Variants in NALF1 observed in about 807,000 individuals in gnomAD.
The protein encoded by NALF1 is NALCN channel auxiliary factor 1, also known as family with sequence similarity 155 member A.
NALF1 carries 3 observed loss-of-function variants against 48.4 expected under a neutral mutation model. The ratio of observed to expected loss-of-function variants is 0.06; its 90% confidence interval spans 0.03 to 0.16. The LOEUF (loss-of-function observed/expected upper bound fraction) is 0.16. NALF1 is among the 10% of genes least tolerant of loss of function. NALF1 has a pLI of 1.00. For synonymous variants in NALF1, 262 were observed against 245.7 expected (o/e 1.07, Z -0.62); for missense variants, 526 against 571.5 (o/e 0.92, Z 0.81).
intron 1 of NALF1, among the ~76,000 whole-genome samples, chr13:107,456,918 T>C (rs1019552622): frequency 6.6e-6 from 1 of 152,176 alleles, no homozygotes; most frequent in Non-Finnish European, 1.5e-5. Flanking sequence ...CAAGAAGTTG[T>C]ATAAATTACC....
intron 1 of NALF1, among the ~76,000 whole-genome samples, chr13:107,437,845 A>G (rs1334842522): frequency 6.6e-6 from 1 of 152,196 alleles, no homozygotes; most frequent in Non-Finnish European, 1.5e-5. Flanking sequence ...TTTAATATAC[A>G]TTTTACCTCG....
chr13:107,616,579 C>T (rs760953113), intron 1 of NALF1, among the ~76,000 whole-genome samples: 10 of 152,198 alleles, frequency 6.6e-5, no homozygotes, highest in Non-Finnish European at 1.3e-4. Context: ...ACACAGGCTA[C>T]AAGATTGAAT....
At chr13:107,644,295 G>A (rs187634107) in intron 1 of NALF1, among the ~76,000 whole-genome samples, 14 of 151,940 alleles carry the variant, frequency 9.2e-5, no homozygotes, top group Admixed American at 3.9e-4. Context: ...ACAGTTGTGT[G>A]ATAGCTTCTG....
At chr13:107,827,274 T>A (rs1340019095) in intron 1 of NALF1, among the ~76,000 whole-genome samples, 1 of 152,248 alleles carries the variant, frequency 6.6e-6, no homozygotes, top group Non-Finnish European at 1.5e-5. Flanking sequence ...CTCCTTGTAG[T>A]CTTCTCAACT....
chr13:107,417,751 CTTT>C (rs1046350550), intron 1 of NALF1, among the ~76,000 whole-genome samples: 1 of 152,076 alleles, frequency 6.6e-6, no homozygotes, highest in Non-Finnish European at 1.5e-5. Context: ...TCTTTTCCTT[CTTT>C]ATTATATTCA....
intron 1 of NALF1, among the ~76,000 whole-genome samples, chr13:107,525,289 G>A (rs978002959): frequency 2.6e-5 from 4 of 152,038 alleles, no homozygotes; most frequent in African/African-American, 9.7e-5. Flanking sequence ...CCTCAATCCT[G>A]AAGTTGATGG....
chr13:107,431,794 C>T (rs750069687), intron 1 of NALF1, among the ~76,000 whole-genome samples: 2 of 152,024 alleles, frequency 1.3e-5, no homozygotes, highest in Non-Finnish European at 2.9e-5. Flanking sequence ...AAATTAAGTC[C>T]TAATGCTCTA....
rs773853794 is a variant in NALF1 at position 107,866,112 on chromosome 13, G to T, written c.485C>A (p.Ala162Asp). The change falls in exon 1 of 3, where the codon GCC becomes GAC. Residue 162 changes from alanine to aspartate, a missense_variant. Physicochemically the swap from Ala to Asp is moderately radical, Grantham distance 126. Around this residue, in one of 2 missense-constraint regions of NALF1, gnomAD observed 373 missense variants for 355.5 expected, o/e 1.05. Coordinates refer to ENST00000375915, the MANE Select transcript of NALF1 (RefSeq NM_001080396.3). The surrounding 1 kb of genome is among the most constrained non-coding windows in gnomAD (Gnocchi z 4.4). The stretch of plus-strand genomic sequence containing the variant: ...AGTCTCCAGGCGCCACACGGGCTTG[G>T]CAGAGTTTCCTAGAAAAAGAGCCTT... Reference protein sequence around the residue: ...RGKALFLGNSAKPVWRLETCY... With the variant: ...RGKALFLGNSDKPVWRLETCY... 1 of 1,612,712 alleles carries T rather than the reference G, an allele frequency of 6.2e-7. No individual in the cohort carries two copies. The highest frequency in any genetic ancestry group is 8.5e-7 in the Non-Finnish European group (1 of 1,179,858).
chr13:107,403,723 T>TAAA (rs1036457323), intron 1 of NALF1, among the ~76,000 whole-genome samples: 17 of 150,652 alleles, frequency 1.1e-4, no homozygotes, highest in African/African-American at 2.4e-4. Context: ...CCACAAATTT[T>TAAA]AAAAAAAAAC....
At chr13:107,720,084 T>C (rs950148495) in intron 1 of NALF1, among the ~76,000 whole-genome samples, 1 of 152,194 alleles carries the variant, frequency 6.6e-6, no homozygotes, top group Non-Finnish European at 1.5e-5. Context: ...CCTGCCCACG[T>C]GCAACTAGAC....
At chr13:107,332,847 T>G (rs1305149144) in intron 1 of NALF1, among the ~76,000 whole-genome samples, 1 of 152,152 alleles carries the variant, frequency 6.6e-6, no homozygotes, top group Non-Finnish European at 1.5e-5. Flanking sequence ...TTTTTGTTTT[T>G]GTTTTTTGTT....
Position 107,783,866 on chromosome 13 carries a change from T to G in NALF1, c.915+81816A>C, listed in dbSNP as rs900574477. On this transcript the variant is annotated intron_variant, in intron 1 of 2. Transcript: ENST00000375915. ...AACACCCAAGAATGATCAATAAAAA[T>G]AAAAATTAAAAAAAAAAAAAAAAAG... 1.5e-4 allele frequency among the ~76,000 whole-genome samples: 13 copies of G among 86,702 alleles called. No homozygotes were observed. The Admixed American group carries it at 1.7e-3, about 11-fold the overall frequency. The allele number at this position is 86,702 out of a possible 152,430, so 56.9% of individuals were successfully genotyped here.
At chr13:107,329,897 T>C (rs1184127376) in intron 1 of NALF1, among the ~76,000 whole-genome samples, 1 of 152,164 alleles carries the variant, frequency 6.6e-6, no homozygotes, top group African/African-American at 2.4e-5. Flanking sequence ...ACAGATTTTA[T>C]TGCCTAACTT....
intron 2 of NALF1, among the ~76,000 whole-genome samples, chr13:107,207,084 G>A (rs138544200): frequency 1.2e-3 from 188 of 152,176 alleles, no homozygotes; most frequent in African/African-American, 4.3e-3. Context: ...AATTGCTGGA[G>A]GCAAGAGGAA....
At chr13:107,782,743 C>A (rs1172622285) in intron 1 of NALF1, among the ~76,000 whole-genome samples, 3 of 149,876 alleles carry the variant, frequency 2.0e-5, no homozygotes, top group East Asian at 4.0e-4. Flanking sequence ...TGCCCGGTCG[C>A]GACCCCGTCT....
At chr13:107,242,777 CT>C (rs1426981513) in intron 1 of NALF1, among the ~76,000 whole-genome samples, 2 of 152,068 alleles carry the variant, frequency 1.3e-5, no homozygotes, top group African/African-American at 4.8e-5. Flanking sequence ...CCTTGTATAA[CT>C]TGTAGGTTAT....
In NALF1 at chr13:107,865,506, C is replaced by T. The variant is rs558555498; in HGVS notation, c.915+176G>A. Among the ~76,000 whole-genome samples the T allele has an allele frequency of 2.0e-4, 31 of 152,228 alleles. No individual in the cohort carries two copies. In the South Asian group the frequency reaches 2.3e-3, roughly 11 times the overall value. On this transcript the variant is annotated intron_variant, in intron 1 of 2. Coordinates refer to ENST00000375915, the MANE Select transcript of NALF1 (RefSeq NM_001080396.3). ...CCAGAAGAAGGCATCAGTCAGTCCA[C>T]CAGCAATCCACCAGGTATTCTCATC...
intron 1 of NALF1, among the ~76,000 whole-genome samples, chr13:107,744,172 C>G (rs547781273): frequency 7.2e-4 from 109 of 152,282 alleles, no homozygotes; most frequent in African/African-American, 2.4e-3. Context: ...TTGAGTCAGA[C>G]AGACTTGGGC....
chr13:107,402,833 G>T (rs1267601064), intron 1 of NALF1, among the ~76,000 whole-genome samples: 1 of 152,040 alleles, frequency 6.6e-6, no homozygotes, highest in Non-Finnish European at 1.5e-5. Flanking sequence ...ACTTAACAGG[G>T]TGTCTGAAAT....
Sources: gnomAD v4.1 joint callset for allele counts (sites outside exome capture counted in the v4.1 genomes callset) on GRCh38, gnomAD v4.1.1 for gene constraint, gnomAD v4.1.1 regional missense constraint, Gnocchi (gnomAD v3.1) non-coding constraint, MANE v1.5 for transcripts, NCBI Gene and HGNC (gene_info 2026-07-23, HGNC 2026-07-21) for gene names.